Variants in XRRA1 observed in about 807,000 individuals in gnomAD.
XRRA1 encodes X-ray radiation resistance associated 1, also known as X-ray radiation resistance-associated protein 1.
A neutral mutation model predicts 80.2 loss-of-function variants in XRRA1; 69 were observed. The observed-to-expected ratio is 0.86, with a 90% CI of 0.71 to 1.05. The LOEUF is 1.05. XRRA1 is among the 50% of genes least tolerant of loss of function. The pLI is 0.00. For missense variants in XRRA1, 967 were observed against 976.4 expected (o/e 0.99, Z 0.13); for synonymous variants, 348 against 389.9 (o/e 0.89, Z 1.27).
intron 15 of XRRA1, among the ~76,000 whole-genome samples, chr11:74,847,581 G>A (rs1446593763): frequency 6.6e-6 from 1 of 152,150 alleles, no homozygotes; most frequent in Non-Finnish European, 1.5e-5. Context: ...TCTCAGCTCA[G>A]TTGAGCCTCT....
intron 8 of XRRA1, chr11:74,919,845 G>T: frequency 2.4e-6 from 1 of 417,512 alleles, no homozygotes; most frequent in Non-Finnish European, 4.5e-6. Flanking sequence ...GAATCCATGT[G>T]CAGTTGTCCA....
chr11:74,935,818 G>A (rs779415295), intron 4 of XRRA1, among the ~76,000 whole-genome samples: 20 of 152,260 alleles, frequency 1.3e-4, no homozygotes, highest in South Asian at 1.0e-3. Flanking sequence ...TGTCTCCCAC[G>A]GTGGCAAGAC....
At chr11:74,844,382 G>A in intron 16 of XRRA1, 99 bp from the exon 17 acceptor site, 1 of 858,314 alleles carries the variant, frequency 1.2e-6, no homozygotes, top group Non-Finnish European at 1.9e-6. Context: ...GCAGCTCTAG[G>A]TAAAAGGATT....
At chr11:74,881,427 T>C (rs2047553494) in intron 10 of XRRA1, among the ~76,000 whole-genome samples, 1 of 150,580 alleles carries the variant, frequency 6.6e-6, no homozygotes, top group South Asian at 2.1e-4. Context: ...AATTTGCCAG[T>C]CTGTGTCTTT....
chr11:74,846,098 C>G (rs2038064768), intron 15 of XRRA1: 1 of 152,074 alleles, frequency 6.6e-6, no homozygotes, highest in South Asian at 2.1e-4. Flanking sequence ...GATGAACTTG[C>G]CTAGGTAGAA....
chr11:74,906,155 AC>A, intron 10 of XRRA1, 83 bp downstream of exon 10: 1 of 1,310,458 alleles, frequency 7.6e-7, no homozygotes. Flanking sequence ...ATTCACCATG[AC>A]CAAGTGAGAC....
intron 8 of XRRA1, chr11:74,911,251 T>G (rs1483767376): frequency 6.6e-6 from 1 of 152,102 alleles, no homozygotes; most frequent in African/African-American, 2.4e-5. Context: ...GCTTTATTTT[T>G]ATTTTTGTAG....
rs1430474399 is a variant in XRRA1 at position 74,841,100 on chromosome 11, A to G, written c.*2100T>C. On this transcript the variant is annotated 3_prime_UTR_variant, in exon 19 of 19. Coordinates refer to ENST00000684022, the MANE Select transcript of XRRA1 (RefSeq NM_001378157.1). ...TGGAAAGTGATATATTTTGATTGGA[A>G]TAATTTTAATTAAATTTAATGATTT... The G allele has an allele frequency of 2.0e-5, 3 of 152,192 alleles. No homozygotes were observed. Among genetic ancestry groups the G allele is most frequent in the Non-Finnish European group, 4.4e-5 (3 of 68,040 alleles). 9.4% of individuals were successfully genotyped at this position (152,192 alleles called of 1,614,324 possible).
chr11:74,907,115 G>C, intron 9 of XRRA1, 30 bp downstream of exon 9: 1 of 1,612,252 alleles, frequency 6.2e-7, no homozygotes, highest in East Asian at 2.2e-5. Flanking sequence ...GATTAGAGGA[G>C]GCCCAGCAGA....
chr11:74,924,910 T>C (rs1941862613), intron 7 of XRRA1, among the ~76,000 whole-genome samples: 1 of 152,232 alleles, frequency 6.6e-6, no homozygotes, highest in African/African-American at 2.4e-5. Flanking sequence ...TTACATATTG[T>C]CTATGGCTGT....
intron 6 of XRRA1, among the ~76,000 whole-genome samples, chr11:74,928,583 A>C (rs1307617089): frequency 6.6e-6 from 1 of 152,136 alleles, no homozygotes; most frequent in Admixed American, 6.5e-5. Flanking sequence ...TGGCTTTGGG[A>C]ACTCCATTGA....
intron 11 of XRRA1, among the ~76,000 whole-genome samples, chr11:74,860,785 T>C (rs116275015): frequency 0.011 from 1,648 of 152,332 alleles, 33 homozygotes; most frequent in African/African-American, 0.038. Context: ...AGAAAAAATT[T>C]GTCTGGTCTT....
At chr11:74,937,867 T>C (rs938305336) in intron 3 of XRRA1, among the ~76,000 whole-genome samples, 2 of 152,326 alleles carry the variant, frequency 1.3e-5, no homozygotes, top group East Asian at 1.9e-4. Flanking sequence ...ATCTGACTCA[T>C]TCATCTCAGT....
At chr11:74,879,912 G>T (rs1282672) in intron 10 of XRRA1, among the ~76,000 whole-genome samples, 124,625 of 151,690 alleles carry the variant, frequency 0.82, 51,460 homozygotes, top group African/African-American at 0.89. Context: ...TCAAAGATAT[G>T]GGTCTAAAAT....
intron 1 of XRRA1, among the ~76,000 whole-genome samples, chr11:74,945,365 G>GGATCGTTTACAT (rs1431157682): frequency 6.6e-6 from 1 of 152,082 alleles, no homozygotes. Context: ...TGAAAGGACG[G>GGATCGTTTACAT]GATCGTTTAC....
At chr11:74,945,116 C>G (rs1421454920) in intron 1 of XRRA1, 31 bp from the exon 2 acceptor site, 1 of 152,436 alleles carries the variant, frequency 6.6e-6, no homozygotes, top group African/African-American at 2.4e-5. Flanking sequence ...TCCTTCTTAG[C>G]CTGCTATTCA....
At position 74,907,152 on chromosome 11, in the gene XRRA1, G is replaced by T. The variant is rs1427833869; in HGVS notation, c.778C>A (p.Leu260Ile). The T allele has an allele frequency of 6.2e-7, 1 of 1,613,722 alleles. No homozygotes were observed. The change falls in exon 9 of 19, where the codon CTC becomes ATC. Residue 260 changes from leucine to isoleucine, a missense_variant. Transcript: ENST00000684022. ...AAAGGCTTATGGCTTTACCTCCTGA[G>T]CCCAGCCAGGCTGGCAAAGCAACTG... is the stretch of plus-strand genomic sequence containing the variant. The part of the protein sequence containing the change: ...NPSCFASLAG[L>I]RRLKKLSLDE...
At chr11:74,866,975 G>A (rs2043593350) in intron 10 of XRRA1, among the ~76,000 whole-genome samples, 1 of 152,120 alleles carries the variant, frequency 6.6e-6, no homozygotes, top group South Asian at 2.1e-4. Flanking sequence ...CTGGGTGGGT[G>A]TGCACGTACC....
rs181183316 is a variant in XRRA1, at chr11:74,885,846, A to G, written c.1003+20393T>C. Among the ~76,000 whole-genome samples, 23 of 152,354 alleles carry G rather than the reference A, an allele frequency of 1.5e-4. No individual in the cohort carries two copies. In the East Asian group the frequency reaches 3.9e-3, roughly 26 times the overall value. On this transcript the variant is annotated intron_variant, in intron 10 of 18. Coordinates refer to ENST00000684022, the MANE Select transcript of XRRA1 (RefSeq NM_001378157.1). ...ACTGGCAAATCAAATCCAGCAGCACATCAAAAAGTTTATCCACCATGATCA... is the reference window on the plus strand; with the variant it reads ...ACTGGCAAATCAAATCCAGCAGCACGTCAAAAAGTTTATCCACCATGATCA...
Sources: allele counts gnomAD v4.1 joint callset (sites outside exome capture counted in the v4.1 genomes callset), GRCh38; gene constraint gnomAD v4.1.1; transcripts MANE v1.5; gene names NCBI Gene and HGNC (gene_info 2026-07-23, HGNC 2026-07-21).